Variants in SCARB1 observed in about 807,000 individuals in gnomAD.
SCARB1 encodes the protein CD36 and LIMPII analogous 1.
Under a neutral mutation model 57.2 loss-of-function variants are expected in SCARB1, and 30 were observed. The observed-to-expected ratio is 0.52, with a 90% CI of 0.39 to 0.71. The LOEUF (loss-of-function observed/expected upper bound fraction) is 0.71. Among genes scored for constraint, SCARB1 ranks in the 30% least tolerant of loss-of-function variants. The pLI is 0.00. For missense variants in SCARB1, 543 were observed against 671.2 expected (o/e 0.81, Z 2.11); for synonymous variants, 249 against 268.3 (o/e 0.93, Z 0.70).
At position 124,839,720 on chromosome 12, in the gene SCARB1, C is replaced by T. The variant is rs113298587; in HGVS notation, c.127-22013G>A. 466 of 96,486 alleles carry T rather than the reference C, an allele frequency of 4.8e-3. 24 individuals are homozygous for T. Among genetic ancestry groups the T allele is most frequent in the African/African-American group, 0.014 (307 of 22,010 alleles). The allele number at this position is 96,486 out of a possible 1,614,324, so 6.0% of individuals were successfully genotyped here. ...ACACATGGGCCCCGATTTCTCCGCACCCTCACCCCAACGGCACACATGGGC... is the reference window on the plus strand; with the variant it reads ...ACACATGGGCCCCGATTTCTCCGCATCCTCACCCCAACGGCACACATGGGC... On this transcript the variant is annotated intron_variant, in intron 1 of 12. Coordinates refer to ENST00000261693, the MANE Select transcript of SCARB1 (RefSeq NM_005505.5).
chr12:124,792,075 C>T (rs1365466241), intron 9 of SCARB1, among the ~76,000 whole-genome samples: 6 of 152,078 alleles, frequency 3.9e-5, no homozygotes, highest in East Asian at 1.9e-4. Flanking sequence ...GGACGAAACA[C>T]GATGGGGAGA....
In SCARB1 at chr12:124,863,665, A is replaced by G; in HGVS notation, c.56T>C (p.Leu19Pro). The G allele has an allele frequency of 6.3e-7, 1 of 1,576,266 alleles. No homozygotes were observed. Among genetic ancestry groups the G allele is most frequent in the Non-Finnish European group, 8.6e-7 (1 of 1,162,450 alleles). The change falls in exon 1 of 13, where the codon CTA becomes CCA. Residue 19 changes from leucine to proline, a missense_variant. Transcript: ENST00000261693. ...GACAGCGCCCAGCACAGCGCACAGT[A>G]GCCCCGCGACGCCCAGCGCCCCGGC... ...WAAGALGVAG[L>P]LCAVLGAVMI... is the part of the protein sequence containing the mutation.
In SCARB1 at chr12:124,830,401, G is replaced by A. The variant is rs983294929; in HGVS notation, c.127-12694C>T. Among the ~76,000 whole-genome samples, 11 of 152,212 alleles carry A rather than the reference G, an allele frequency of 7.2e-5. No individual in the cohort carries two copies. The East Asian group carries it at 7.7e-4, about 11-fold the overall frequency. On this transcript the variant is annotated intron_variant, in intron 1 of 12. Transcript: ENST00000261693. ...TTATCCACAAATGCTCATAGCAGCC[G>A]TACCCATAACAGCCCAAAACTGGAA...
intron 1 of SCARB1, among the ~76,000 whole-genome samples, chr12:124,861,502 G>T (rs1013736903): frequency 4.6e-5 from 7 of 151,976 alleles, no homozygotes; most frequent in South Asian, 4.2e-4. Flanking sequence ...AAAGCACAAG[G>T]CCTCCCATTC....
At chr12:124,794,397 A>ATTTTTT (rs1242276585) in intron 9 of SCARB1, among the ~76,000 whole-genome samples, 13 of 113,956 alleles carry the variant, frequency 1.1e-4, no homozygotes, top group African/African-American at 3.7e-4. Flanking sequence ...TGCTTGAAAA[A>ATTTTTT]TTCTTTTTTT....
At chr12:124,849,181 G>C (rs1952291425) in intron 1 of SCARB1, among the ~76,000 whole-genome samples, 1 of 152,196 alleles carries the variant, frequency 6.6e-6, no homozygotes, top group Non-Finnish European at 1.5e-5. Context: ...GGGTCCACCT[G>C]AGCTGCTGGA....
At chr12:124,824,246 G>T (rs1951055365) in intron 1 of SCARB1, among the ~76,000 whole-genome samples, 2 of 151,834 alleles carry the variant, frequency 1.3e-5, no homozygotes, top group East Asian at 3.9e-4. Flanking sequence ...GCCACCACAT[G>T]GACAAACCTC....
chr12:124,827,413 ATAT>A (rs138195771), intron 1 of SCARB1, among the ~76,000 whole-genome samples: 23,675 of 151,492 alleles, frequency 0.16, 4,229 homozygotes, highest in East Asian at 0.49. Context: ...TCAGGGGTTA[ATAT>A]TATTATTATT....
intron 1 of SCARB1, among the ~76,000 whole-genome samples, chr12:124,831,141 A>G (rs1951373056): frequency 6.6e-6 from 1 of 152,052 alleles, no homozygotes; most frequent in Non-Finnish European, 1.5e-5. Context: ...ACACCTGGCT[A>G]ATTTTTGTAT....
Position 124,853,035 on chromosome 12 carries a change from GAC to G in SCARB1, c.126+10558_126+10559del, listed in dbSNP as rs538995797. ...GCTGAAAAACCACACAGATGGCACA[GAC>G]AGTGGACGTGGGGGGCAACTGTCCA... is the stretch of plus-strand genomic sequence containing the variant. On this transcript the variant is annotated intron_variant, in intron 1 of 12. Transcript: ENST00000261693. 6.6e-5 allele frequency among the ~76,000 whole-genome samples: 10 copies of G among 152,280 alleles called. No homozygotes were observed. In the South Asian group the frequency reaches 1.9e-3, roughly 28 times the overall value.
chr12:124,855,126 G>A (rs1188945417), intron 1 of SCARB1, among the ~76,000 whole-genome samples: 1 of 152,264 alleles, frequency 6.6e-6, no homozygotes, highest in South Asian at 2.1e-4. Context: ...GATTTAAAGC[G>A]CCTCAAGGGT....
intron 9 of SCARB1, among the ~76,000 whole-genome samples, chr12:124,792,190 C>A (rs189406724): frequency 6.6e-6 from 1 of 152,166 alleles, no homozygotes; most frequent in South Asian, 2.1e-4. Flanking sequence ...CTTTACCTAG[C>A]GAGCAAGGAG....
intron 12 of SCARB1, 76 bp downstream of exon 12, chr12:124,782,607 C>T (rs768039454): frequency 2.7e-6 from 4 of 1,464,764 alleles, no homozygotes; most frequent in Non-Finnish European, 3.8e-6. Context: ...AGCAGGACCC[C>T]AAATGTTTTA....
rs201977189 is a variant in SCARB1, at chr12:124,811,881, C to A, written c.715G>T (p.Gly239Trp). 2 of 1,612,028 alleles carry A rather than the reference C, an allele frequency of 1.2e-6. No homozygotes were observed. Among genetic ancestry groups the A allele is most frequent in the East Asian group, 2.2e-5 (1 of 44,716 alleles). The change falls in exon 5 of 13, where the codon GGG (glycine) becomes TGG (tryptophan). Residue 239 changes from glycine (G) to tryptophan (W), a missense_variant. Gly to Trp is a radical substitution (Grantham distance 184). Coordinates refer to ENST00000261693, the MANE Select transcript of SCARB1 (RefSeq NM_005505.5). The part of the protein sequence containing the change: ...SRIHLVDKWN[G>W]LSKVDFWHSD... ...CTCTCGCCCCTCACCTTGCTCAGCCCGTTCCACTTGTCCACGAGGTGGATC... is the reference window on the plus strand; with the variant it reads ...CTCTCGCCCCTCACCTTGCTCAGCCAGTTCCACTTGTCCACGAGGTGGATC...
At chr12:124,779,483 AG>A (rs1873002811) in intron 12 of SCARB1, among the ~76,000 whole-genome samples, 1 of 151,960 alleles carries the variant, frequency 6.6e-6, no homozygotes, top group South Asian at 2.1e-4. Context: ...GGACGTGGGG[AG>A]GGGGACGAGG....
At position 124,819,999 on chromosome 12, in the gene SCARB1, T is replaced by C. The variant is rs554646290; in HGVS notation, c.127-2292A>G. Among the ~76,000 whole-genome samples, 95 of 152,318 alleles carry C rather than the reference T, an allele frequency of 6.2e-4. 2 individuals carry two copies. Among genetic ancestry groups the C allele is most frequent in the African/African-American group, 2.1e-3 (87 of 41,568 alleles). ...TTTGTCAAGAAACTGGAAGATGTAA[T>C]GTAAAATCTGGATTTCAGAGTTCTC... On this transcript the variant is annotated intron_variant, in intron 1 of 12. Coordinates refer to ENST00000261693, the MANE Select transcript of SCARB1 (RefSeq NM_005505.5).
At chr12:124,823,245 G>A (rs1292437914) in intron 1 of SCARB1, among the ~76,000 whole-genome samples, 2 of 152,124 alleles carry the variant, frequency 1.3e-5, no homozygotes, top group Admixed American at 6.5e-5. Flanking sequence ...TTTTCTATAC[G>A]TGTGCTACAC....
intron 11 of SCARB1, chr12:124,784,315 C>A: frequency 6.6e-6 from 1 of 152,370 alleles, no homozygotes; most frequent in Non-Finnish European, 1.5e-5. Flanking sequence ...GTTCTGGCTC[C>A]CCCTGGGGCA....
rs201937181 is a variant in SCARB1, at chr12:124,814,197, C to T, written c.630+5G>A. The T allele has an allele frequency of 1.1e-5, 17 of 1,613,786 alleles. No homozygotes were observed. The highest frequency in any genetic ancestry group is 1.7e-4 in the Middle Eastern group (1 of 6,040). ...ATCTTTGGCTTCTCACCAGGCCACACGTACCTCAGCAAATAATCCGAACTT... is the reference window on the plus strand; with the variant it reads ...ATCTTTGGCTTCTCACCAGGCCACATGTACCTCAGCAAATAATCCGAACTT... On this transcript the variant is annotated splice_donor_5th_base_variant and intron_variant, in intron 4 of 12. Transcript: ENST00000261693. The surrounding 1 kb of genome is among the most constrained non-coding windows in gnomAD (Gnocchi z 4.7).
Sources: allele counts gnomAD v4.1 joint callset (sites outside exome capture counted in the v4.1 genomes callset), GRCh38; gene constraint gnomAD v4.1.1; non-coding constraint Gnocchi (gnomAD v3.1); transcripts MANE v1.5; gene names NCBI Gene and HGNC (gene_info 2026-07-23, HGNC 2026-07-21).